DIP2C: variants seen among roughly 807,000 people sequenced by gnomAD.
The protein encoded by DIP2C is disco-interacting protein 2 homolog C.
In DIP2C, 33 loss-of-function variants were observed where a neutral mutation model predicts 192.4. That is an observed-to-expected ratio of 0.17 (90% CI 0.13 to 0.23). The LOEUF (loss-of-function observed/expected upper bound fraction) is 0.23, where lower values mean the gene tolerates loss of function less well. Among genes scored for constraint, DIP2C ranks in the 10% least tolerant of loss-of-function variants. The pLI is 1.00. For missense variants in DIP2C, 1,537 were observed against 2,110.1 expected (o/e 0.73, Z 5.32); for synonymous variants, 979 against 864.1 (o/e 1.13, Z -2.33).
At chr10:386,525 A>G (rs2132917926) in intron 14 of DIP2C, among the ~76,000 whole-genome samples, 1 of 152,314 alleles carries the variant, frequency 6.6e-6, no homozygotes, top group South Asian at 2.1e-4. Context: ...CCACTGCACC[A>G]GCACACAGTG....
At chr10:302,723 T>C (rs1956110503) in intron 32 of DIP2C, among the ~76,000 whole-genome samples, 1 of 152,166 alleles carries the variant, frequency 6.6e-6, no homozygotes, top group South Asian at 2.1e-4. Flanking sequence ...TACATACAAT[T>C]GTAATACAAC....
At chr10:290,883 G>A (rs998308220) in intron 32 of DIP2C, among the ~76,000 whole-genome samples, 2 of 152,242 alleles carry the variant, frequency 1.3e-5, no homozygotes, top group African/African-American at 4.8e-5. Flanking sequence ...TCCTGTCGCT[G>A]GCCGGAATCA....
chr10:542,685 T>C (rs1848065757), intron 1 of DIP2C, among the ~76,000 whole-genome samples: 1 of 152,078 alleles, frequency 6.6e-6, no homozygotes, highest in Non-Finnish European at 1.5e-5. Flanking sequence ...AAGTGGGGGG[T>C]TCTGACCCTG....
At chr10:565,602 C>G (rs1170566334) in intron 1 of DIP2C, among the ~76,000 whole-genome samples, 1 of 152,186 alleles carries the variant, frequency 6.6e-6, no homozygotes, top group East Asian at 1.9e-4. Context: ...CCATGGAATT[C>G]ACACATGCTA....
chr10:343,172 C>A (rs1377948253), intron 28 of DIP2C, among the ~76,000 whole-genome samples: 2 of 152,162 alleles, frequency 1.3e-5, no homozygotes, highest in East Asian at 1.9e-4. Context: ...GCCTGTAGTC[C>A]CAGCTACTCA....
chr10:493,443 G>T lies in DIP2C; in HGVS notation c.86-6913C>A, dbSNP rs554623122. Reference sequence around the variant, plus strand: ...AGTGGATGTTGTATTTACATTTTTTGGTGTTGGGGGGAGCGAGAAGGGGCA... The same window carrying T: ...AGTGGATGTTGTATTTACATTTTTTTGTGTTGGGGGGAGCGAGAAGGGGCA... On this transcript the variant is annotated intron_variant, in intron 1 of 36. Coordinates refer to ENST00000280886, the MANE Select transcript of DIP2C (RefSeq NM_014974.3). Among the ~76,000 whole-genome samples the T allele has an allele frequency of 1.0e-2, 1,521 of 152,200 alleles. 29 individuals carry two copies. The highest frequency in any genetic ancestry group is 0.035 in the African/African-American group (1,445 of 41,520).
chr10:354,288 C>T (rs1248662896), intron 24 of DIP2C, among the ~76,000 whole-genome samples: 1 of 152,186 alleles, frequency 6.6e-6, no homozygotes, highest in Non-Finnish European at 1.5e-5. Context: ...GGAATCATTT[C>T]CGGGAAATAC....
chr10:609,504 C>T (rs1852916729), intron 1 of DIP2C, among the ~76,000 whole-genome samples: 1 of 152,206 alleles, frequency 6.6e-6, no homozygotes, highest in African/African-American at 2.4e-5. Context: ...CACAGCTCAT[C>T]TTCTCAAACC....
At chr10:409,164 G>A in intron 8 of DIP2C, 147 bp from the exon 9 acceptor site, 1 of 666,850 alleles carries the variant, frequency 1.5e-6, no homozygotes, top group Non-Finnish European at 2.5e-6. Context: ...CTGAGCAAAG[G>A]GGGAACTGGT....
chr10:578,875 G>A (rs1776372462), intron 1 of DIP2C, among the ~76,000 whole-genome samples: 1 of 151,958 alleles, frequency 6.6e-6, no homozygotes, highest in East Asian at 1.9e-4. Flanking sequence ...TAACACACAT[G>A]TACGTGCATA....
chr10:524,445 A>G (rs1372159065), intron 1 of DIP2C, among the ~76,000 whole-genome samples: 1 of 152,236 alleles, frequency 6.6e-6, no homozygotes, highest in East Asian at 1.9e-4. Flanking sequence ...AGAAGTGTAT[A>G]TACATGTAAA....
chr10:394,916 C>T (rs1199850736), intron 10 of DIP2C, among the ~76,000 whole-genome samples: 1 of 151,872 alleles, frequency 6.6e-6, no homozygotes, highest in African/African-American at 2.4e-5. Flanking sequence ...GTATGCTGAA[C>T]AGGAAGGACA....
intron 2 of DIP2C, among the ~76,000 whole-genome samples, chr10:481,630 T>C (rs1385565663): frequency 6.6e-6 from 1 of 152,338 alleles, no homozygotes; most frequent in African/African-American, 2.4e-5. Context: ...CATTTAAATT[T>C]ACCCAAATCA....
chr10:635,729 C>T (rs951712552), intron 1 of DIP2C, among the ~76,000 whole-genome samples: 1 of 152,198 alleles, frequency 6.6e-6, no homozygotes, highest in Non-Finnish European at 1.5e-5. Context: ...GGGCACTGGG[C>T]GCTCAGGCTG....
intron 1 of DIP2C, among the ~76,000 whole-genome samples, chr10:604,379 T>A (rs1852320435): frequency 6.6e-6 from 1 of 152,190 alleles, no homozygotes. Context: ...AGGCAGTTGC[T>A]CCCTGAAAGA....
At chr10:455,002 A>G (rs1269960900) in intron 3 of DIP2C, among the ~76,000 whole-genome samples, 1 of 152,204 alleles carries the variant, frequency 6.6e-6, no homozygotes, top group Non-Finnish European at 1.5e-5. Flanking sequence ...CATTTGCACC[A>G]AGCTCACAGC....
intron 1 of DIP2C, among the ~76,000 whole-genome samples, chr10:537,790 CG>C (rs1847774876): frequency 7.0e-6 from 1 of 143,518 alleles, no homozygotes; most frequent in South Asian, 2.1e-4. Context: ...CTTTCGTCTG[CG>C]AATTTTTTTT....
At chr10:380,985 C>T (rs1962318856) in intron 17 of DIP2C, among the ~76,000 whole-genome samples, 1 of 152,212 alleles carries the variant, frequency 6.6e-6, no homozygotes, top group South Asian at 2.1e-4. Flanking sequence ...TCTGTTCACA[C>T]ATTCAGAAAA....
chr10:390,638 C>CA, intron 11 of DIP2C, 102 bp downstream of exon 11: 1 of 1,521,574 alleles, frequency 6.6e-7, no homozygotes, highest in Non-Finnish European at 8.8e-7. Context: ...ACTGACGTTT[C>CA]ATTCCACAGA....
Sources: gnomAD v4.1 joint callset for allele counts (sites outside exome capture counted in the v4.1 genomes callset) on GRCh38, gnomAD v4.1.1 for gene constraint, MANE v1.5 for transcripts, NCBI Gene and HGNC (gene_info 2026-07-23, HGNC 2026-07-21) for gene names.